The following EIF5B variants were observed in gnomAD, a reference collection of about 807,000 sequenced individuals.
EIF5B encodes eIF-5B.
In EIF5B, 47 loss-of-function variants were observed where a neutral mutation model predicts 147.5. The observed-to-expected ratio is 0.32, with a 90% CI of 0.25 to 0.41. EIF5B has a LOEUF of 0.41. Ranked by LOEUF, EIF5B falls within the 10% of genes least tolerant of loss-of-function variation. The pLI is 1.00. For missense variants in EIF5B, 1,064 were observed against 1,413.2 expected, an observed-to-expected ratio of 0.75 and a Z score of 3.96; for synonymous variants, 455 against 456.2, an observed-to-expected ratio of 1.00 and a Z score of 0.03.
At chr2:99,355,610 GTT>G (rs67037124) in intron 1 of EIF5B, among the ~76,000 whole-genome samples, 1,175 of 98,628 alleles carry the variant, frequency 0.012, 9 homozygotes, top group African/African-American at 0.035. Context: ...TGTTTTTTGG[GTT>G]TTTTTTTTTT....
At chr2:99,398,979 G>A in intron 23 of EIF5B, 70 bp downstream of exon 23, 1 of 1,519,232 alleles carries the variant, frequency 6.6e-7, no homozygotes, top group Non-Finnish European at 8.9e-7. Flanking sequence ...ACCTGTACCT[G>A]TAGCTCCTTG....
chr2:99,391,029 T>G (rs2104247728), intron 17 of EIF5B, among the ~76,000 whole-genome samples: 1 of 152,270 alleles, frequency 6.6e-6, no homozygotes. Flanking sequence ...TCCACATATA[T>G]TTTTTGACTC....
At chr2:99,359,347 C>T (rs1674157241) in intron 1 of EIF5B, among the ~76,000 whole-genome samples, 3 of 150,960 alleles carry the variant, frequency 2.0e-5, no homozygotes, top group South Asian at 4.2e-4. Context: ...CCAGCCTAGG[C>T]GACAGAGTGA....
chr2:99,338,936 A>G (rs1267485651), intron 1 of EIF5B, among the ~76,000 whole-genome samples: 3 of 147,206 alleles, frequency 2.0e-5, no homozygotes, highest in African/African-American at 7.4e-5. Context: ...ATATATATAT[A>G]TACAAATATA....
At position 99,401,102 on chromosome 2, in the gene EIF5B, A is replaced by G; in HGVS notation, c.*1688A>G. ...ATACTGACAAATTTGGCACTTTTTG[A>G]AAAGAAATGTACAAAACACTTGCTT... On this transcript the variant is annotated 3_prime_UTR_variant, in exon 24 of 24. Transcript: ENST00000289371. The G allele has an allele frequency of 2.0e-6, 1 of 505,796 alleles. No homozygotes were observed. The highest frequency in any genetic ancestry group is 3.5e-6 in the Non-Finnish European group (1 of 286,750). 31.3% of individuals were successfully genotyped at this position (505,796 alleles called of 1,614,324 possible). A position where few individuals can be genotyped will look rare whatever the true frequency, so the allele number is the denominator to read the frequency against.
intron 14 of EIF5B, 145 bp downstream of exon 14, chr2:99,383,066 GTGTATT>G: frequency 5.0e-6 from 4 of 807,174 alleles, no homozygotes; most frequent in Non-Finnish European, 6.8e-6. Flanking sequence ...GTGTGTGTGT[GTGTATT>G]TGTGTATAGT....
intron 1 of EIF5B, among the ~76,000 whole-genome samples, chr2:99,355,795 T>C (rs1674085470): frequency 6.6e-6 from 1 of 152,018 alleles, no homozygotes; most frequent in South Asian, 2.1e-4. Flanking sequence ...GTATTTTTAG[T>C]AGAGACAGGG....
Position 99,364,297 on chromosome 2 carries a change from A to C in EIF5B, c.1164A>C (p.Glu388Asp). 6.2e-7 allele frequency: 1 copy of C among 1,603,052 alleles called. No individual in the cohort carries two copies. The highest frequency in any genetic ancestry group is 8.5e-7 in the Non-Finnish European group (1 of 1,177,174). The change falls in exon 6 of 24, where the codon GAA becomes GAC. Residue 388 changes from glutamate (E) to aspartate (D), a missense_variant. Physicochemically the swap from Glu to Asp is conservative, Grantham distance 45. This residue lies in a region of EIF5B where 458 missense variants were observed against 451.3 expected (regional missense o/e 1.01). Transcript: ENST00000289371. ...EEERLEQEKRERKKQKEKERK... is the reference protein window; with the variant it reads ...EEERLEQEKRDRKKQKEKERK... ...AACGATTGGAACAAGAAAAAAGAGA[A>C]AGGAAAAAGCAAAAAGAAAAAGAAA...
intron 1 of EIF5B, among the ~76,000 whole-genome samples, chr2:99,340,230 CTTTAT>C (rs2105332687): frequency 6.6e-6 from 1 of 152,144 alleles, no homozygotes; most frequent in East Asian, 1.9e-4. Flanking sequence ...AGCTTTTTAC[CTTTAT>C]TTTAATATTT....
At chr2:99,377,435 C>G (rs984336302) in intron 10 of EIF5B, among the ~76,000 whole-genome samples, 8 of 151,218 alleles carry the variant, frequency 5.3e-5, no homozygotes, top group Non-Finnish European at 1.0e-4. Flanking sequence ...GGGACAGGGA[C>G]TGTTCTCTTC....
intron 10 of EIF5B, among the ~76,000 whole-genome samples, chr2:99,376,938 GC>G (rs887497858): frequency 2.6e-5 from 4 of 152,122 alleles, no homozygotes; most frequent in African/African-American, 9.7e-5. Flanking sequence ...CTGAGCATAT[GC>G]CCTCTGCTTA....
chr2:99,387,097 G>T (rs1469756304), intron 14 of EIF5B, among the ~76,000 whole-genome samples: 1 of 152,036 alleles, frequency 6.6e-6, no homozygotes. Flanking sequence ...TAGTAGAGAC[G>T]GGGTTTCACC....
intron 4 of EIF5B, among the ~76,000 whole-genome samples, chr2:99,362,686 G>A (rs1399018062): frequency 6.6e-6 from 1 of 152,130 alleles, no homozygotes; most frequent in East Asian, 1.9e-4. Context: ...GCAACAGACT[G>A]AGACTCTGTC....
rs200336022 is a variant in EIF5B, at chr2:99,394,612, C to T, written c.3089+27C>T. ...TAAGTAATTTCTCTTGCTATGAAGG[C>T]TTTCATGTTACGTAGCTATCTTAAA... is the stretch of plus-strand genomic sequence containing the variant. On this transcript the variant is annotated intron_variant, in intron 20 of 23. Coordinates refer to ENST00000289371, the MANE Select transcript of EIF5B (RefSeq NM_015904.4). 4.5e-4 allele frequency: 721 copies of T among 1,613,622 alleles called. 1 individual carries two copies. The highest frequency in any genetic ancestry group is 5.9e-4 in the Non-Finnish European group (692 of 1,179,758).
intron 4 of EIF5B, among the ~76,000 whole-genome samples, chr2:99,363,317 C>G (rs548714574): frequency 1.6e-4 from 24 of 152,184 alleles, no homozygotes; most frequent in Admixed American, 1.2e-3. Context: ...TGTTGGACAC[C>G]AGCCACTCAG....
Position 99,371,666 on chromosome 2 carries a change from A to T in EIF5B, c.1488A>T (p.Glu496Asp), listed in dbSNP as rs746390051. 5 of 1,611,752 alleles carry T rather than the reference A, an allele frequency of 3.1e-6. No individual in the cohort carries two copies. The highest frequency in any genetic ancestry group is 2.7e-5 in the African/African-American group (2 of 74,872). ...TPPPVEPEEEEDTEDAGLDDW... is the reference protein window; with the variant it reads ...TPPPVEPEEEDDTEDAGLDDW... ...AATTTTTACTTACAGAAGAAGAAGA[A>T]GATACTGAGGATGCTGGATTGGATG... The change falls in exon 9 of 24, where the codon GAA (glutamate) becomes GAT (aspartate). Residue 496 changes from glutamate to aspartate, a missense_variant. Physicochemically the swap from Glu to Asp is conservative, Grantham distance 45 (BLOSUM62 2). Coordinates refer to ENST00000289371, the MANE Select transcript of EIF5B (RefSeq NM_015904.4).
At chr2:99,365,093 A>G (rs1025365092) in intron 6 of EIF5B, among the ~76,000 whole-genome samples, 2 of 152,184 alleles carry the variant, frequency 1.3e-5, no homozygotes, top group Non-Finnish European at 2.9e-5. Context: ...TGAGAAGAAT[A>G]TATTGGGACC....
At chr2:99,362,624 A>G (rs1674242884) in intron 4 of EIF5B, among the ~76,000 whole-genome samples, 2 of 151,892 alleles carry the variant, frequency 1.3e-5, no homozygotes, top group African/African-American at 4.8e-5. Flanking sequence ...GCGTGAACCC[A>G]GGAGGCGGAG....
At chr2:99,358,548 C>T (rs1278093256) in intron 1 of EIF5B, among the ~76,000 whole-genome samples, 1 of 152,200 alleles carries the variant, frequency 6.6e-6, no homozygotes, top group Non-Finnish European at 1.5e-5. Context: ...GGTACACAAT[C>T]ACCTGGAAAT....
Sources: allele counts gnomAD v4.1 joint callset (sites outside exome capture counted in the v4.1 genomes callset), GRCh38; gene constraint gnomAD v4.1.1; regional missense constraint gnomAD v4.1.1; transcripts MANE v1.5; gene names NCBI Gene and HGNC (gene_info 2026-07-23, HGNC 2026-07-21).